NSL1: variants seen among roughly 807,000 people sequenced by gnomAD.
NSL1 encodes NSL1 component of MIS12 kinetochore complex, also known as kinetochore-associated protein NSL1 homolog.
NSL1 carries 11 observed loss-of-function variants against 25.4 expected under a neutral mutation model. The ratio of observed to expected loss-of-function variants is 0.43; its 90% confidence interval spans 0.27 to 0.72. The LOEUF is 0.72. Ranked by LOEUF, NSL1 falls within the 30% of genes least tolerant of loss-of-function variation. The pLI is 0.19. For missense variants in NSL1, 330 were observed against 342.7 expected, an observed-to-expected ratio of 0.96 and a Z score of 0.29; for synonymous variants, 118 against 120.6, an observed-to-expected ratio of 0.98 and a Z score of 0.14.
In NSL1 at chr1:212,791,656, A is replaced by C; in HGVS notation, c.108T>G (p.Phe36Leu). 6.2e-7 allele frequency: 1 copy of C among 1,613,886 alleles called. No homozygotes were observed. The highest frequency in any genetic ancestry group is 8.5e-7 in the Non-Finnish European group (1 of 1,180,006). Residue 36 changes from phenylalanine to leucine, a missense_variant, in exon 1 of 6, where the codon TTT becomes TTG. Phe to Leu is a conservative substitution (Grantham distance 22). Coordinates refer to ENST00000366977, the MANE Select transcript of NSL1 (RefSeq NM_015471.4). Reference protein sequence around the residue: ...ALVSATPREDFRVRCTSKRAV... With the variant: ...ALVSATPREDLRVRCTSKRAV... ...CCCGCTTCGAGGTGCAGCGCACCCG[A>C]AAGTCTTCTCGGGGAGTGGCGGAGA...
At position 212,732,777 on chromosome 1, in the gene NSL1, T is replaced by C. The variant is rs1474782233; in HGVS notation, c.*5631A>G. ...GGTAGAACCCCCAAACGGGATGCCTTGGAGGTAATTTTTTTTGACGCTTTG... is the reference window on the plus strand; with the variant it reads ...GGTAGAACCCCCAAACGGGATGCCTCGGAGGTAATTTTTTTTGACGCTTTG... On this transcript the variant is annotated 3_prime_UTR_variant, in exon 6 of 6. Coordinates refer to ENST00000366977, the MANE Select transcript of NSL1 (RefSeq NM_015471.4). 4 of 336,878 alleles carry C rather than the reference T, an allele frequency of 1.2e-5. No individual in the cohort carries two copies. The Admixed American group carries it at 2.6e-4, about 22-fold the overall frequency. 20.9% of individuals were successfully genotyped at this position (336,878 alleles called of 1,614,324 possible).
In NSL1 at chr1:212,732,809, TG is replaced by T. The variant is rs552999651; in HGVS notation, c.*5598del. ...AATTTTTTTTGACGCTTTGCATATCTGAGATATCTTTTAGCTAATCATGCAC... is the reference window on the plus strand; with the variant it reads ...AATTTTTTTTGACGCTTTGCATATCTAGATATCTTTTAGCTAATCATGCAC... On this transcript the variant is annotated 3_prime_UTR_variant, in exon 6 of 6. Coordinates refer to ENST00000366977, the MANE Select transcript of NSL1 (RefSeq NM_015471.4). The T allele has an allele frequency of 1.2e-5, 2 of 167,376 alleles. No individual in the cohort carries two copies. The highest frequency in any genetic ancestry group is 2.4e-5 in the Non-Finnish European group (2 of 81,934). The allele number at this position is 167,376 out of a possible 1,614,324, so 10.4% of individuals were successfully genotyped here. A position where few individuals can be genotyped will look rare whatever the true frequency, so the allele number is the denominator to read the frequency against.
intron 4 of NSL1, 74 bp downstream of exon 4, chr1:212,782,298 T>C (rs539452524): frequency 9.7e-7 from 1 of 1,035,198 alleles, no homozygotes; most frequent in Non-Finnish European, 1.5e-6. Context: ...GCTGACCCTT[T>C]TAGAAGAATA....
At chr1:212,775,474 G>T (rs1210329967) in intron 4 of NSL1, among the ~76,000 whole-genome samples, 1 of 152,020 alleles carries the variant, frequency 6.6e-6, no homozygotes, top group African/African-American at 2.4e-5. Context: ...TATAATGAAT[G>T]AGAGTAAATA....
At chr1:212,780,787 A>G (rs1179130767) in intron 4 of NSL1, among the ~76,000 whole-genome samples, 1 of 152,178 alleles carries the variant, frequency 6.6e-6, no homozygotes, top group African/African-American at 2.4e-5. Flanking sequence ...GGTTATTATT[A>G]TACAATATAT....
rs369864087 is a variant in NSL1, at chr1:212,762,735, G to A, written c.499+19637C>T. ...GAAAGCCTTAACCCTACCGAGAGCT[G>A]GAATGGATTTAGTCTATGTGAAATA... On this transcript the variant is annotated intron_variant, in intron 4 of 5. Coordinates refer to ENST00000366977, the MANE Select transcript of NSL1 (RefSeq NM_015471.4). Among the ~76,000 whole-genome samples the A allele has an allele frequency of 3.9e-5, 6 of 152,300 alleles. No individual in the cohort carries two copies. The East Asian group carries it at 5.8e-4, about 15-fold the overall frequency.
Position 212,782,398 on chromosome 1 carries a change from A to G in NSL1, c.473T>C (p.Leu158Pro). 7 of 1,611,702 alleles carry G rather than the reference A, an allele frequency of 4.3e-6. No homozygotes were observed. The highest frequency in any genetic ancestry group is 5.9e-6 in the Non-Finnish European group (7 of 1,177,808). ...LKQYHPVVHP[L>P]DLKYDPDPAP... ...TGGATCAGGGTCATATTTTAGGTCC[A>G]GTGGATGTACAACAGGGTGGTACTG... Residue 158 changes from leucine (L) to proline (P), a missense_variant, in exon 4 of 6, where the codon CTG becomes CCG. Transcript: ENST00000366977.
At chr1:212,780,313 G>A (rs866361768) in intron 4 of NSL1, among the ~76,000 whole-genome samples, 4 of 151,986 alleles carry the variant, frequency 2.6e-5, no homozygotes, top group South Asian at 2.1e-4. Flanking sequence ...CAGCGTGCTC[G>A]TTGAGAGTCA....
chr1:212,785,259 CTACTT>C (rs1660894507), intron 2 of NSL1, among the ~76,000 whole-genome samples: 1 of 152,066 alleles, frequency 6.6e-6, no homozygotes, highest in South Asian at 2.1e-4. Flanking sequence ...TTAGCTAACT[CTACTT>C]TATCATATGC....
rs1015163419 is a variant in NSL1, at chr1:212,726,195, G to A, written c.*12213C>T. The A allele has an allele frequency of 6.6e-6, 1 of 151,994 alleles. No individual in the cohort carries two copies. The highest frequency in any genetic ancestry group is 2.4e-5 in the African/African-American group (1 of 41,242). The allele number at this position is 151,994 out of a possible 1,614,324, so 9.4% of individuals were successfully genotyped here. A position where few individuals can be genotyped will look rare whatever the true frequency, so the allele number is the denominator to read the frequency against. On this transcript the variant is annotated 3_prime_UTR_variant, in exon 6 of 6. Transcript: ENST00000366977. ...TCGATTTTATTAGATGAAAAATGCA[G>A]CCTCTCACATCAGTGGGGGAAAAGA... is the stretch of plus-strand genomic sequence containing the variant.
intron 4 of NSL1, among the ~76,000 whole-genome samples, chr1:212,771,313 T>TCAAAAAA (rs1440685362): frequency 6.6e-6 from 1 of 151,510 alleles, no homozygotes; most frequent in Non-Finnish European, 1.5e-5. Flanking sequence ...AAACTCCATC[T>TCAAAAAA]CAAAAAACAA....
intron 4 of NSL1, among the ~76,000 whole-genome samples, chr1:212,766,572 G>A (rs1296079112): frequency 6.6e-6 from 1 of 151,554 alleles, no homozygotes. Flanking sequence ...GTGAACCTGG[G>A]AGGTGGAGCT....
intron 4 of NSL1, among the ~76,000 whole-genome samples, chr1:212,763,778 T>A (rs2102456817): frequency 6.6e-6 from 1 of 152,184 alleles, no homozygotes; most frequent in East Asian, 1.9e-4. Flanking sequence ...CCCAGATTTA[T>A]AAAACAATTA....
At chr1:212,761,420 G>A (rs1021851827) in intron 4 of NSL1, among the ~76,000 whole-genome samples, 2 of 152,032 alleles carry the variant, frequency 1.3e-5, no homozygotes, top group Admixed American at 6.6e-5. Flanking sequence ...GAGGAGGATC[G>A]CCTGAACCCA....
intron 4 of NSL1, among the ~76,000 whole-genome samples, chr1:212,776,125 GTTTT>G (rs1359512244): frequency 2.0e-5 from 3 of 152,236 alleles, no homozygotes; most frequent in South Asian, 2.1e-4. Context: ...CGTAAATTGT[GTTTT>G]TTAACAATAA....
In NSL1 at chr1:212,760,835, G is replaced by A. The variant is rs574649222; in HGVS notation, c.500-21234C>T. 6.6e-6 allele frequency among the ~76,000 whole-genome samples: 1 copy of A among 152,266 alleles called. No homozygotes were observed. Among genetic ancestry groups the A allele is most frequent in the South Asian group, 2.1e-4 (1 of 4,826 alleles). ...CACTAGTATCTGTGTACACTGCCAA[G>A]GGAACCAAAAATGGATGTATTTGGC... On this transcript the variant is annotated intron_variant, in intron 4 of 5. Coordinates refer to ENST00000366977, the MANE Select transcript of NSL1 (RefSeq NM_015471.4). The surrounding 1 kb of genome is among the most constrained non-coding windows in gnomAD (Gnocchi z 4.3).
At position 212,727,954 on chromosome 1, in the gene NSL1, G is replaced by T; in HGVS notation, c.*10454C>A. The T allele has an allele frequency of 1.0e-6, 1 of 985,444 alleles. No individual in the cohort carries two copies. The highest frequency in any genetic ancestry group is 1.2e-6 in the Non-Finnish European group (1 of 829,928). The allele number at this position is 985,444 out of a possible 1,614,324, so 61.0% of individuals were successfully genotyped here. On this transcript the variant is annotated 3_prime_UTR_variant, in exon 6 of 6. Coordinates refer to ENST00000366977, the MANE Select transcript of NSL1 (RefSeq NM_015471.4). Reference sequence around the variant, plus strand: ...GTGGTGTAGCGGTGAGAGCGTCTGAGACTCTGGACAAGGCCTTTGCTGTGA... The same window carrying T: ...GTGGTGTAGCGGTGAGAGCGTCTGATACTCTGGACAAGGCCTTTGCTGTGA...
At chr1:212,743,864 C>T (rs1016703259) in intron 4 of NSL1, among the ~76,000 whole-genome samples, 1 of 152,076 alleles carries the variant, frequency 6.6e-6, no homozygotes, top group Non-Finnish European at 1.5e-5. Context: ...GGCAGTAATT[C>T]CCAGAGTGGG....
At chr1:212,756,646 C>T (rs960939344) in intron 4 of NSL1, among the ~76,000 whole-genome samples, 7 of 151,984 alleles carry the variant, frequency 4.6e-5, no homozygotes, top group Non-Finnish European at 8.8e-5. Flanking sequence ...ATGGTGAAAC[C>T]TTGTCTCTAT....
Sources: gnomAD v4.1 joint callset for allele counts (sites outside exome capture counted in the v4.1 genomes callset) on GRCh38, gnomAD v4.1.1 for gene constraint, Gnocchi (gnomAD v3.1) non-coding constraint, MANE v1.5 for transcripts, NCBI Gene and HGNC (gene_info 2026-07-23, HGNC 2026-07-21) for gene names.